SOBP: variants seen among roughly 807,000 people sequenced by gnomAD.
SOBP encodes the protein sine oculis-binding protein homolog.
Under a neutral mutation model 53.6 loss-of-function variants are expected in SOBP, and 4 were observed. The observed-to-expected ratio is 0.07, with a 90% CI of 0.04 to 0.17. The LOEUF is 0.17. SOBP is among the 10% of genes least tolerant of loss of function. SOBP has a pLI of 1.00. For synonymous variants in SOBP, 584 were observed against 522.6 expected (o/e 1.12, Z -1.60); for missense variants, 1,088 against 1,204.7 (o/e 0.90, Z 1.43).
In SOBP at chr6:107,610,796, GCACACACA is replaced by G. The variant is rs150127640; in HGVS notation, c.670-22697_670-22690del. Among the ~76,000 whole-genome samples the G allele has an allele frequency of 5.6e-3, 832 of 149,024 alleles. 10 individuals carry two copies. Among genetic ancestry groups the G allele is most frequent in the African/African-American group, 0.018 (752 of 40,914 alleles). On this transcript the variant is annotated intron_variant, in intron 5 of 6. Transcript: ENST00000317357. ...TGTGTGTGCGCACGTGTGTGCACACGCACACACACACACACACACACACACACATACAC... is the reference window on the plus strand; with the variant it reads ...TGTGTGTGCGCACGTGTGTGCACACGCACACACACACACACACACATACAC...
intron 4 of SOBP, among the ~76,000 whole-genome samples, chr6:107,536,831 G>A (rs2114992445): frequency 6.6e-6 from 1 of 152,294 alleles, no homozygotes; most frequent in Non-Finnish European, 1.5e-5. Context: ...GTTGGCTCTA[G>A]GAAGTGGATA....
intron 4 of SOBP, among the ~76,000 whole-genome samples, chr6:107,566,090 A>AT (rs1197589338): frequency 3.3e-5 from 5 of 152,252 alleles, no homozygotes; most frequent in African/African-American, 9.6e-5. Context: ...TAATTGGCTG[A>AT]TTTTTTATCA....
At chr6:107,493,072 A>G (rs1489035012) in intron 1 of SOBP, among the ~76,000 whole-genome samples, 2 of 152,160 alleles carry the variant, frequency 1.3e-5, no homozygotes, top group African/African-American at 4.8e-5. Context: ...TAATCACATC[A>G]GCAAAACCCC....
chr6:107,564,586 T>C (rs1027697448), intron 4 of SOBP, among the ~76,000 whole-genome samples: 1 of 104,314 alleles, frequency 9.6e-6, no homozygotes. Flanking sequence ...TGACCATAGC[T>C]CTGTGATTCT....
Position 107,490,562 on chromosome 6 carries a change from C to T in SOBP, c.-55C>T. On this transcript the variant is annotated 5_prime_UTR_variant, in exon 1 of 7. Coordinates refer to ENST00000317357, the MANE Select transcript of SOBP (RefSeq NM_018013.4). ...CCACCGCCGCCGCCGCCGCCACCAC[C>T]ACCGCCGGCGGCGGCAGCAGCCATT... 3 of 1,368,878 alleles carry T rather than the reference C, an allele frequency of 2.2e-6. No individual in the cohort carries two copies. The highest frequency in any genetic ancestry group is 3.1e-6 in the Non-Finnish European group (3 of 981,378). The allele number at this position is 1,368,878 out of a possible 1,614,324, so 84.8% of individuals were successfully genotyped here. A position where few individuals can be genotyped will look rare whatever the true frequency, so the allele number is the denominator to read the frequency against.
At chr6:107,623,983 T>C (rs1770343120) in intron 5 of SOBP, among the ~76,000 whole-genome samples, 1 of 151,884 alleles carries the variant, frequency 6.6e-6, no homozygotes, top group African/African-American at 2.4e-5. Flanking sequence ...AGTAGCTCCT[T>C]TACAAGTTTG....
At chr6:107,577,880 T>G (rs924906269) in intron 4 of SOBP, among the ~76,000 whole-genome samples, 3 of 152,138 alleles carry the variant, frequency 2.0e-5, no homozygotes, top group Non-Finnish European at 4.4e-5. Flanking sequence ...AAGACCATCC[T>G]GGCTAACACG....
intron 4 of SOBP, among the ~76,000 whole-genome samples, chr6:107,583,780 ACTACATCC>A (rs944403286): frequency 1.5e-4 from 23 of 152,234 alleles, no homozygotes; most frequent in African/African-American, 5.5e-4. Context: ...TACCATAGGG[ACTACATCC>A]TAGAGGTTGA....
chr6:107,529,089 G>C (rs945657098), intron 3 of SOBP, among the ~76,000 whole-genome samples: 1 of 152,040 alleles, frequency 6.6e-6, no homozygotes, highest in East Asian at 1.9e-4. Flanking sequence ...GTTTTCTCTG[G>C]GTCTCCTTGT....
chr6:107,533,165 CTTTT>C (rs755278856), intron 3 of SOBP, among the ~76,000 whole-genome samples: 3 of 109,468 alleles, frequency 2.7e-5, no homozygotes, highest in Admixed American at 1.1e-4. Flanking sequence ...GCAGATGAAG[CTTTT>C]TTTTTTTTTT....
In SOBP at chr6:107,628,094, G is replaced by C. The variant is rs552280235; in HGVS notation, c.670-5420G>C. Among the ~76,000 whole-genome samples the C allele has an allele frequency of 4.6e-5, 7 of 152,314 alleles. No homozygotes were observed. The South Asian group carries it at 6.2e-4, about 14-fold the overall frequency. ...CTCTGTTTTTTAATACAATATGCATGGCACAGTTTATGGCTTCCACTATTC... is the reference window on the plus strand; with the variant it reads ...CTCTGTTTTTTAATACAATATGCATCGCACAGTTTATGGCTTCCACTATTC... On this transcript the variant is annotated intron_variant, in intron 5 of 6. Coordinates refer to ENST00000317357, the MANE Select transcript of SOBP (RefSeq NM_018013.4).
intron 3 of SOBP, among the ~76,000 whole-genome samples, chr6:107,509,145 A>G (rs1783086047): frequency 6.6e-6 from 1 of 152,254 alleles, no homozygotes; most frequent in Non-Finnish European, 1.5e-5. Context: ...CTGTAATCCC[A>G]GCACTTTGGG....
intron 4 of SOBP, among the ~76,000 whole-genome samples, chr6:107,541,085 A>T (rs1784134974): frequency 6.6e-6 from 1 of 152,218 alleles, no homozygotes; most frequent in Admixed American, 6.5e-5. Flanking sequence ...AAAATGTCAA[A>T]TTGCATAGTG....
chr6:107,505,432 CGT>C, intron 2 of SOBP, among the ~76,000 whole-genome samples: 1 of 151,844 alleles, frequency 6.6e-6, no homozygotes, highest in Non-Finnish European at 1.5e-5. Flanking sequence ...AAGCGATTCT[CGT>C]GCCTCAACCT....
chr6:107,561,258 A>G (rs1247862027), intron 4 of SOBP, among the ~76,000 whole-genome samples: 3 of 152,172 alleles, frequency 2.0e-5, no homozygotes, highest in Non-Finnish European at 2.9e-5. Context: ...GAAGCAAGGC[A>G]TACGTAGTTC....
chr6:107,572,784 T>C (rs1287898250), intron 4 of SOBP, among the ~76,000 whole-genome samples: 1 of 152,196 alleles, frequency 6.6e-6, no homozygotes, highest in Admixed American at 6.5e-5. Context: ...ATGATAAAGG[T>C]GTCCTCTGTT....
intron 4 of SOBP, among the ~76,000 whole-genome samples, chr6:107,571,861 G>A (rs925686443): frequency 1.1e-4 from 17 of 152,204 alleles, no homozygotes; most frequent in African/African-American, 3.6e-4. Flanking sequence ...CTAGTGCACA[G>A]GAAGGCAGGA....
At position 107,585,456 on chromosome 6, in the gene SOBP, A is replaced by G. The variant is rs571490502; in HGVS notation, c.574-1624A>G. ...TTAATTTAAACCATGGCGTAGCTGC[A>G]AAGTTGTTCCGATGCAGTAAGAAGA... On this transcript the variant is annotated intron_variant, in intron 4 of 6. Transcript: ENST00000317357. Among the ~76,000 whole-genome samples, 10 of 152,372 alleles carry G rather than the reference A, an allele frequency of 6.6e-5. No homozygotes were observed. The East Asian group carries it at 1.9e-3, about 29-fold the overall frequency.
chr6:107,578,566 T>C (rs1785307964), intron 4 of SOBP, among the ~76,000 whole-genome samples: 2 of 152,330 alleles, frequency 1.3e-5, no homozygotes, highest in Admixed American at 1.3e-4. Flanking sequence ...CTTCTTCATA[T>C]ATAAAATGGA....
Sources: allele counts gnomAD v4.1 joint callset (sites outside exome capture counted in the v4.1 genomes callset), GRCh38; gene constraint gnomAD v4.1.1; transcripts MANE v1.5; gene names NCBI Gene and HGNC (gene_info 2026-07-23, HGNC 2026-07-21).